Variants in CACNA1A observed in about 807,000 individuals in gnomAD.
CACNA1A encodes the protein voltage-dependent P/Q-type calcium channel subunit alpha-1A.
A neutral mutation model predicts 262.4 loss-of-function variants in CACNA1A; 57 were observed. The ratio of observed to expected loss-of-function variants is 0.22; its 90% CI spans 0.18 to 0.27. The LOEUF is 0.27. Among genes scored for constraint, CACNA1A ranks in the 10% least tolerant of loss-of-function variants. The probability of loss-of-function intolerance (pLI) is 1.00; values close to 1 mark genes in which losing one functional copy is unlikely to be tolerated. For synonymous variants in CACNA1A, 1,431 were observed against 1,419.3 expected, an observed-to-expected ratio of 1.01 and a Z score of -0.18; for missense variants, 2,526 against 3,562.8, an observed-to-expected ratio of 0.71 and a Z score of 7.41.
chr19:13,289,866 C>T (rs1259303936), intron 19 of CACNA1A, among the ~76,000 whole-genome samples: 2 of 151,260 alleles, frequency 1.3e-5, no homozygotes, highest in Non-Finnish European at 2.9e-5. Context: ...TGGAAACATA[C>T]AAAGATCACT....
chr19:13,297,419 A>G (rs2057686483), intron 19 of CACNA1A, among the ~76,000 whole-genome samples: 4 of 152,188 alleles, frequency 2.6e-5, no homozygotes, highest in Admixed American at 2.6e-4. Flanking sequence ...GAAGCCTCTA[A>G]TCCGAACACT....
chr19:13,339,885 T>G (rs1487874206), intron 6 of CACNA1A, among the ~76,000 whole-genome samples: 1 of 152,138 alleles, frequency 6.6e-6, no homozygotes, highest in Non-Finnish European at 1.5e-5. Flanking sequence ...CATCCTTGTT[T>G]TAACGAGCTC....
intron 5 of CACNA1A, among the ~76,000 whole-genome samples, chr19:13,361,769 A>G (rs17777712): frequency 0.056 from 8,505 of 152,310 alleles, 419 homozygotes; most frequent in East Asian, 0.2. Flanking sequence ...CTATTATTTG[A>G]TAAATACAGG....
rs1555774867 is a variant in CACNA1A at position 13,365,458 on chromosome 19, C to T, written c.643G>A (p.Val215Ile). ...ATCGCCTTCATGATCGACTTCAGGA[C>T]GACTTGTAAACCTGGGGGGACACAG... is the stretch of plus-strand genomic sequence containing the variant. ...LVSGIPSLQV[V>I]LKSIMKAMIP... Residue 215 changes from valine (V) to isoleucine (I), a missense_variant, in exon 5 of 47, where the codon GTC becomes ATC. Val to Ile is a conservative substitution (Grantham distance 29). Transcript: ENST00000360228. 1.2e-6 allele frequency: 2 copies of T among 1,613,536 alleles called. No individual in the cohort carries two copies. The highest frequency in any genetic ancestry group is 1.7e-6 in the Non-Finnish European group (2 of 1,179,674).
At chr19:13,430,350 G>C (rs1051124073) in intron 3 of CACNA1A, among the ~76,000 whole-genome samples, 4 of 152,084 alleles carry the variant, frequency 2.6e-5, no homozygotes, top group Non-Finnish European at 5.9e-5. Flanking sequence ...AGGACTACAG[G>C]CGTGCAATGC....
chr19:13,428,461 T>C (rs971931737), intron 3 of CACNA1A, among the ~76,000 whole-genome samples: 5 of 152,200 alleles, frequency 3.3e-5, no homozygotes, highest in Admixed American at 6.5e-5. Context: ...TTGGAATGAA[T>C]GAAGTATTTC....
intron 3 of CACNA1A, among the ~76,000 whole-genome samples, chr19:13,440,104 C>T (rs1250753091): frequency 1.3e-5 from 2 of 152,146 alleles, no homozygotes; most frequent in Non-Finnish European, 2.9e-5. Context: ...GGACTACAAG[C>T]CTGTGCTACC....
chr19:13,285,331 A>G (rs944838170), intron 20 of CACNA1A, 125 bp from the exon 21 acceptor site: 1 of 984,156 alleles, frequency 1.0e-6, no homozygotes, highest in African/African-American at 1.6e-5. Flanking sequence ...TGTATATACC[A>G]GGCATCTTAT....
rs2054873680 is a variant in CACNA1A, at chr19:13,212,968, C to T, written c.5941-228G>A. On this transcript the variant is annotated intron_variant, in intron 40 of 46. Transcript: ENST00000360228. The surrounding 1 kb of genome is among the most constrained non-coding windows in gnomAD (Gnocchi z 5.6). ...CCACGTCCTCATCTCTCACTGCAGG[C>T]ACCTTCTCCCAGGTCTCCCGCTCCT... Among the ~76,000 whole-genome samples the T allele has an allele frequency of 6.6e-6, 1 of 152,122 alleles. No individual in the cohort carries two copies. The highest frequency in any genetic ancestry group is 2.4e-5 in the African/African-American group (1 of 41,410).
chr19:13,434,124 A>G (rs2060569344), intron 3 of CACNA1A, among the ~76,000 whole-genome samples: 1 of 152,188 alleles, frequency 6.6e-6, no homozygotes. Context: ...CAGCCTGGCC[A>G]CACACATGTT....
rs2144651550 is a variant in CACNA1A, at chr19:13,236,170, A to G, written c.4951-440T>C. 6.9e-6 allele frequency among the ~76,000 whole-genome samples: 1 copy of G among 145,370 alleles called. No homozygotes were observed. The highest frequency in any genetic ancestry group is 2.2e-4 in the South Asian group (1 of 4,564). ...GAGACGAAAGGACACAAGCCGGTCA[A>G]GTTGCGGAATCTATCATACGTGTAC... On this transcript the variant is annotated intron_variant, in intron 31 of 46. Transcript: ENST00000360228. This position sits in a 1 kb window ranked among gnomAD's most constrained non-coding sequence, Gnocchi z 4.6.
chr19:13,355,950 C>A (rs1600410301), intron 6 of CACNA1A, among the ~76,000 whole-genome samples: 1 of 152,110 alleles, frequency 6.6e-6, no homozygotes, highest in Non-Finnish European at 1.5e-5. Context: ...GCCAAGTGTC[C>A]CCTGGGGGCA....
At position 13,298,904 on chromosome 19, in the gene CACNA1A, A is replaced by C. The variant is rs953766694; in HGVS notation, c.2729T>G (p.Leu910Arg). ...GCCCTCCCAGAACCCGGGTTGCTCC[A>C]GGCTGCCCTCCCGGGCGTGGTGGTC... ...ESDHHAREGSLEQPGFWEGEA... is the reference protein window; with the variant it reads ...ESDHHAREGSREQPGFWEGEA... The change falls in exon 19 of 47, where the codon CTG becomes CGG. Residue 910 changes from leucine (L) to arginine (R), a missense_variant. Physicochemically the swap from Leu to Arg is moderately radical, Grantham distance 102. This residue lies in a region of CACNA1A where 765 missense variants were observed against 748.6 expected (regional missense o/e 1.02). Transcript: ENST00000360228. The C allele has an allele frequency of 5.0e-6, 8 of 1,594,850 alleles. No homozygotes were observed. In the Admixed American group the frequency reaches 1.0e-4, roughly 20 times the overall value.
chr19:13,332,981 T>C, intron 8 of CACNA1A, 56 bp from the exon 9 acceptor site: 1 of 1,393,546 alleles, frequency 7.2e-7, no homozygotes. Flanking sequence ...AGTTCTCCCT[T>C]GGACCAGGAA....
intron 15 of CACNA1A, 97 bp downstream of exon 15, chr19:13,307,685 G>A (rs2057933485): frequency 1.1e-6 from 1 of 946,302 alleles, no homozygotes. Context: ...GCCAGGTAGA[G>A]AAGGAGGAGT....
At chr19:13,274,709 G>A (rs995111244) in intron 24 of CACNA1A, 7 of 152,224 alleles carry the variant, frequency 4.6e-5, no homozygotes, top group African/African-American at 1.7e-4. Flanking sequence ...CCAGAACTTG[G>A]GGGCCATTTT....
chr19:13,258,639 A>T (rs923481015), intron 27 of CACNA1A: 2 of 152,084 alleles, frequency 1.3e-5, no homozygotes, highest in Admixed American at 6.6e-5. Context: ...TGAGTACTGG[A>T]TGTGTCTGAG....
chr19:13,474,794 G>A (rs1427475180), intron 1 of CACNA1A, among the ~76,000 whole-genome samples: 1 of 148,760 alleles, frequency 6.7e-6, no homozygotes, highest in Non-Finnish European at 1.5e-5. Context: ...TCCAGCCTGG[G>A]CAACAGAGGG....
intron 31 of CACNA1A, among the ~76,000 whole-genome samples, chr19:13,242,291 C>G (rs990096685): frequency 6.6e-6 from 1 of 152,008 alleles, no homozygotes; most frequent in African/African-American, 2.4e-5. Context: ...TTCTTTCTTT[C>G]TTTTTCTTCC....
Sources: gnomAD v4.1 joint callset for allele counts (sites outside exome capture counted in the v4.1 genomes callset) on GRCh38, gnomAD v4.1.1 for gene constraint, gnomAD v4.1.1 regional missense constraint, Gnocchi (gnomAD v3.1) non-coding constraint, MANE v1.5 for transcripts, NCBI Gene and HGNC (gene_info 2026-07-23, HGNC 2026-07-21) for gene names.